TMC2: variants seen among roughly 807,000 people sequenced by gnomAD.
The protein encoded by TMC2 is transmembrane channel like 2.
In TMC2, 102 loss-of-function variants were observed where a neutral mutation model predicts 105.9. The ratio of observed to expected loss-of-function variants is 0.96; its 90% confidence interval spans 0.82 to 1.14. TMC2 has a LOEUF of 1.14. Ranked by LOEUF, TMC2 falls within the 50% of genes most tolerant of loss-of-function variation. The probability of loss-of-function intolerance (pLI) is 0.00; values close to 1 mark genes in which losing one functional copy is unlikely to be tolerated. For missense variants in TMC2, 1,093 were observed against 1,134.3 expected (o/e 0.96, Z 0.52); for synonymous variants, 402 against 422.8 (o/e 0.95, Z 0.60).
rs11409325 is a variant in TMC2 at position 2,599,539 on chromosome 20, A to ATTTTTTTT, written c.1224+2257_1224+2264dup. ...CTTCGTTTTTTTTTTCTTTAATTAC[A>ATTTTTTTT]TTTTTTTTTTTTTTTTTTTTTTTGG... On this transcript the variant is annotated intron_variant, in intron 10 of 19. Transcript: ENST00000358864. Among the ~76,000 whole-genome samples the ATTTTTTTT allele has an allele frequency of 5.3e-4, 45 of 85,502 alleles. 1 individual carries two copies. Among genetic ancestry groups the ATTTTTTTT allele is most frequent in the African/African-American group, 1.3e-3 (27 of 20,638 alleles). 56.1% of individuals were successfully genotyped at this position (85,502 alleles called of 152,430 possible).
intron 14 of TMC2, chr20:2,613,591 C>T: frequency 2.4e-6 from 1 of 410,328 alleles, no homozygotes; most frequent in Non-Finnish European, 4.6e-6. Context: ...GTGGACCACA[C>T]ACTCCAGTAC....
chr20:2,637,662 C>T lies in TMC2; in HGVS notation c.2503+71C>T, dbSNP rs6050771. 0.76 allele frequency: 790,156 copies of T among 1,042,204 alleles called. 301,046 individuals carry two copies. Among genetic ancestry groups the T allele is most frequent in the Admixed American group, 0.85 (41,997 of 49,502 alleles). The allele number at this position is 1,042,204 out of a possible 1,614,324, so 64.6% of individuals were successfully genotyped here. A position where few individuals can be genotyped will look rare whatever the true frequency, so the allele number is the denominator to read the frequency against. ...AAGGTGTAAAGAGCCTATGAAACAG[C>T]GTGAAATCAGACTGTTCTGGGATTG... On this transcript the variant is annotated intron_variant, in intron 19 of 19. Transcript: ENST00000358864.
intron 5 of TMC2, among the ~76,000 whole-genome samples, chr20:2,576,231 C>G (rs372987532): frequency 6.6e-6 from 1 of 152,140 alleles, no homozygotes; most frequent in Non-Finnish European, 1.5e-5. Flanking sequence ...CAACTAACAA[C>G]CCATCCTAGG....
chr20:2,557,963 G>T (rs567745269), intron 2 of TMC2, among the ~76,000 whole-genome samples: 18 of 152,316 alleles, frequency 1.2e-4, no homozygotes, highest in Middle Eastern at 3.4e-3. Context: ...CAAGATAAAC[G>T]CATCCAATTT....
At chr20:2,560,985 A>G (rs1017404536) in intron 3 of TMC2, among the ~76,000 whole-genome samples, 1 of 152,184 alleles carries the variant, frequency 6.6e-6, no homozygotes, top group African/African-American at 2.4e-5. Flanking sequence ...CTGCTGTCCA[A>G]TATGACAGCC....
intron 4 of TMC2, among the ~76,000 whole-genome samples, chr20:2,563,259 G>T (rs2086040426): frequency 6.6e-6 from 1 of 152,124 alleles, no homozygotes; most frequent in Non-Finnish European, 1.5e-5. Flanking sequence ...CACCAACACT[G>T]GGCCGACCCC....
chr20:2,610,434 TC>T lies in TMC2; in HGVS notation c.1432del (p.Leu478CysfsTer25). 1 of 1,612,092 alleles carries T rather than the reference TC, an allele frequency of 6.2e-7. No individual in the cohort carries two copies. Among genetic ancestry groups the T allele is most frequent in the Non-Finnish European group, 8.5e-7 (1 of 1,178,900 alleles). On this transcript the variant is annotated frameshift_variant, in exon 12 of 20. Coordinates refer to ENST00000358864, the MANE Select transcript of TMC2 (RefSeq NM_080751.3). LOFTEE classifies it high-confidence loss of function. ...GATTCCTCAGGTAGAGATCGTGATGTCCCTGCTTGGAATGTTTTGTCCCCCT... is the reference window on the plus strand; with the variant it reads ...GATTCCTCAGGTAGAGATCGTGATGTCCTGCTTGGAATGTTTTGTCCCCCT... The part of the protein sequence containing the change: ...YERNEVEIVM[S>X]LLGMFCPPLF...
At chr20:2,587,127 C>A (rs2086237049) in intron 7 of TMC2, among the ~76,000 whole-genome samples, 1 of 152,014 alleles carries the variant, frequency 6.6e-6, no homozygotes, top group African/African-American at 2.4e-5. Flanking sequence ...CAAAATATTA[C>A]TTGTATTCTA....
rs370771531 is a variant in TMC2 at position 2,573,561 on chromosome 20, C to CTTT, written c.645+1307_645+1309dup. Among the ~76,000 whole-genome samples, 109 of 116,972 alleles carry CTTT rather than the reference C, an allele frequency of 9.3e-4. 1 individual carries two copies. The highest frequency in any genetic ancestry group is 2.8e-3 in the African/African-American group (85 of 30,398). 76.7% of individuals were successfully genotyped at this position (116,972 alleles called of 152,430 possible). On this transcript the variant is annotated intron_variant, in intron 5 of 19. Transcript: ENST00000358864. ...AATTCTTTTTTTTTTCTTTTCTTTT[C>CTTT]TTTTTTTTTTTTTTTTTGAGACGGA...
intron 16 of TMC2, 21 bp from the exon 17 acceptor site, chr20:2,624,250 T>C: frequency 6.2e-7 from 1 of 1,612,342 alleles, no homozygotes; most frequent in Non-Finnish European, 8.5e-7. Context: ...CATGTTATAT[T>C]GTGTCCTCTC....
rs371520403 is a variant in TMC2 at position 2,613,279 on chromosome 20, G to A, written c.1829G>A (p.Arg610Gln). 1.2e-5 allele frequency: 19 copies of A among 1,613,832 alleles called. No homozygotes were observed. Among genetic ancestry groups the A allele is most frequent in the African/African-American group, 5.3e-5 (4 of 74,842 alleles). ...GACTTCCTACGGGCTTGTTTTGTGC[G>A]GTTCATGAACTACTGCTGGTGCTGG... ...LGDFLRACFV[R>Q]FMNYCWCWDL... Residue 610 changes from arginine (R) to glutamine (Q), a missense_variant, in exon 14 of 20, where the codon CGG becomes CAG. By Grantham distance (43) the Arg-to-Gln change is conservative. Coordinates refer to ENST00000358864, the MANE Select transcript of TMC2 (RefSeq NM_080751.3).
intron 5 of TMC2, among the ~76,000 whole-genome samples, chr20:2,574,427 T>C (rs2086128371): frequency 6.6e-6 from 1 of 152,250 alleles, no homozygotes; most frequent in African/African-American, 2.4e-5. Flanking sequence ...CGTTACCTCC[T>C]CTTTATGCTG....
At chr20:2,574,324 TTG>T (rs529145943) in intron 5 of TMC2, among the ~76,000 whole-genome samples, 72 of 152,376 alleles carry the variant, frequency 4.7e-4, no homozygotes, top group African/African-American at 1.4e-3. Flanking sequence ...TGATATGAAT[TTG>T]TGTGTGTTTG....
At chr20:2,582,135 T>C (rs951633297) in intron 7 of TMC2, among the ~76,000 whole-genome samples, 3 of 152,050 alleles carry the variant, frequency 2.0e-5, no homozygotes, top group Non-Finnish European at 2.9e-5. Flanking sequence ...TGGGAATGGA[T>C]TAAAAGAGAG....
In TMC2 at chr20:2,619,561, G is replaced by A. The variant is rs2086509873; in HGVS notation, c.2180+2250G>A. On this transcript the variant is annotated intron_variant, in intron 16 of 19. Transcript: ENST00000358864. The stretch of plus-strand genomic sequence containing the variant: ...GATCCGGTCTTTCTCAGTTCATAAA[G>A]GACTTTACTAGATAAAGGCCTGTGA... Among the ~76,000 whole-genome samples, 4 of 152,276 alleles carry A rather than the reference G, an allele frequency of 2.6e-5. No homozygotes were observed. The South Asian group carries it at 8.3e-4, about 32-fold the overall frequency.
At chr20:2,571,332 G>A (rs569550503) in intron 4 of TMC2, among the ~76,000 whole-genome samples, 4 of 152,190 alleles carry the variant, frequency 2.6e-5, no homozygotes, top group African/African-American at 9.6e-5. Context: ...ATTAAAAAGT[G>A]GACAAAGAAT....
rs376906382 is a variant in TMC2, at chr20:2,616,127, C to A, written c.1873-10C>A. ...TCTCTCTCTCTCTCGCTCCCTCCCT[C>A]CCTCTCTAGCCTTCATATGCTGAGT... On this transcript the variant is annotated splice_polypyrimidine_tract_variant and intron_variant, in intron 14 of 19. Coordinates refer to ENST00000358864, the MANE Select transcript of TMC2 (RefSeq NM_080751.3). This position sits in a 1 kb window ranked among gnomAD's most constrained non-coding sequence, Gnocchi z 4.8. 50 of 1,610,438 alleles carry A rather than the reference C, an allele frequency of 3.1e-5. 1 individual carries two copies. The highest frequency in any genetic ancestry group is 3.9e-5 in the Non-Finnish European group (46 of 1,177,046).
At chr20:2,563,952 T>A (rs991322087) in intron 4 of TMC2, among the ~76,000 whole-genome samples, 2 of 152,066 alleles carry the variant, frequency 1.3e-5, no homozygotes, top group African/African-American at 4.8e-5. Flanking sequence ...GATCTCGAAC[T>A]CCTGGACTCA....
chr20:2,572,483 A>G (rs1346921293), intron 5 of TMC2, among the ~76,000 whole-genome samples: 2 of 152,198 alleles, frequency 1.3e-5, no homozygotes, highest in Non-Finnish European at 2.9e-5. Flanking sequence ...GCTTCAATAC[A>G]TTTGAGACTT....
Sources: allele counts gnomAD v4.1 joint callset (sites outside exome capture counted in the v4.1 genomes callset), GRCh38; gene constraint gnomAD v4.1.1; non-coding constraint Gnocchi (gnomAD v3.1); transcripts MANE v1.5; gene names NCBI Gene and HGNC (gene_info 2026-07-23, HGNC 2026-07-21).